SLCO4A1: variants seen among roughly 807,000 people sequenced by gnomAD.
SLCO4A1 encodes colon organic anion transporter.
Under a neutral mutation model 64.6 loss-of-function variants are expected in SLCO4A1, and 51 were observed. The ratio of observed to expected loss-of-function variants is 0.79; its 90% confidence interval spans 0.63 to 1.00. The LOEUF (loss-of-function observed/expected upper bound fraction) is 1.00, where lower values mean the gene tolerates loss of function less well. SLCO4A1 is among the 50% of genes least tolerant of loss of function. The pLI is 0.00. For missense variants in SLCO4A1, 919 were observed against 980.5 expected (o/e 0.94, Z 0.84); for synonymous variants, 471 against 444.9 (o/e 1.06, Z -0.74).
intron 1 of SLCO4A1, among the ~76,000 whole-genome samples, chr20:62,655,828 G>A (rs906935746): frequency 2.6e-5 from 4 of 152,180 alleles, no homozygotes; most frequent in Non-Finnish European, 5.9e-5. Flanking sequence ...CACGCCAAAG[G>A]GTGCAGAGAG....
intron 6 of SLCO4A1, chr20:62,665,324 A>T (rs927490955): frequency 1.2e-5 from 6 of 503,306 alleles, no homozygotes; most frequent in Non-Finnish European, 2.1e-5. Context: ...GGAAGGGTCC[A>T]CGGTGGGCTC....
At chr20:62,676,256 A>C (rs1029042074), downstream of SLCO4A1, among the ~76,000 whole-genome samples, 3 of 152,064 alleles carry the variant, frequency 2.0e-5, no homozygotes, top group Non-Finnish European at 4.4e-5. Context: ...CTCTGTAAAA[A>C]AAAAATACAA....
rs1299855612 is a variant in SLCO4A1, at chr20:62,657,164, A to G, written c.710A>G (p.His237Arg). ...QLVFMLGQFL[H>R]GVGATPLYTL... ...GTCTTCATGCTGGGCCAGTTCCTGCATGGCGTGGGTGCCACACCCCTCTAC... is the reference window on the plus strand; with the variant it reads ...GTCTTCATGCTGGGCCAGTTCCTGCGTGGCGTGGGTGCCACACCCCTCTAC... The change falls in exon 2 of 12, where the codon CAT becomes CGT. Residue 237 changes from histidine (H) to arginine (R), a missense_variant. His to Arg is a conservative substitution (Grantham distance 29). Transcript: ENST00000217159. The G allele has an allele frequency of 6.4e-7, 1 of 1,557,766 alleles. No homozygotes were observed. Among genetic ancestry groups the G allele is most frequent in the Non-Finnish European group, 8.7e-7 (1 of 1,151,768 alleles).
At chr20:62,672,936 G>T, downstream of SLCO4A1, among the ~76,000 whole-genome samples, 1 of 102,966 alleles carries the variant, frequency 9.7e-6, no homozygotes, top group East Asian at 2.9e-4. Flanking sequence ...ACTGAGGATG[G>T]ACGCCACCCT....
Position 62,656,588 on chromosome 20 carries a change from G to A in SLCO4A1, c.134G>A (p.Arg45His), listed in dbSNP as rs373936660. Residue 45 changes from arginine (R) to histidine (H), a missense_variant, in exon 2 of 12, where the codon CGC becomes CAC. Arg to His is a conservative substitution (Grantham distance 29). Transcript: ENST00000217159. ...ACACCCCTGAGCCCCGGCTCCCTCC[G>A]CTCCGCTGCCCATAGCCCCCTGGAC... ...PGTPLSPGSL[R>H]SAAHSPLDTS... The A allele has an allele frequency of 9.6e-5, 153 of 1,593,856 alleles. No individual in the cohort carries two copies. The highest frequency in any genetic ancestry group is 4.1e-4 in the Admixed American group (24 of 58,792).
Position 62,668,491 on chromosome 20 carries a change from C to A in SLCO4A1, c.1826C>A (p.Pro609His). The change falls in exon 10 of 12, where the codon CCT (proline) becomes CAT (histidine). Residue 609 changes from proline (P) to histidine (H), a missense_variant. Pro to His is a moderately conservative substitution (Grantham distance 77). Coordinates refer to ENST00000217159, the MANE Select transcript of SLCO4A1 (RefSeq NM_016354.4). ...TTCTATTGCAGATGTGTCCGTGACC[C>A]TCAGAGATCCTTTGCCCTGGGAATC... ...LTATLRCVRD[P>H]QRSFALGIQW... 1 of 1,613,950 alleles carries A rather than the reference C, an allele frequency of 6.2e-7. No individual in the cohort carries two copies. Among genetic ancestry groups the A allele is most frequent in the Non-Finnish European group, 8.5e-7 (1 of 1,179,982 alleles).
At chr20:62,654,478 G>A (rs1983270908) in intron 1 of SLCO4A1, among the ~76,000 whole-genome samples, 1 of 152,156 alleles carries the variant, frequency 6.6e-6, no homozygotes, top group Non-Finnish European at 1.5e-5. Context: ...ACCCAGCCCA[G>A]GTCCCCACGG....
At chr20:62,671,232 G>A (rs1423023634) in intron 11 of SLCO4A1, among the ~76,000 whole-genome samples, 1 of 152,224 alleles carries the variant, frequency 6.6e-6, no homozygotes, top group Non-Finnish European at 1.5e-5. Flanking sequence ...CGCAAGCGGG[G>A]TGGCCTGATG....
chr20:62,657,310 T>A, intron 2 of SLCO4A1, 60 bp downstream of exon 2: 2 of 1,418,262 alleles, frequency 1.4e-6, no homozygotes, highest in Non-Finnish European at 1.9e-6. Context: ...GTTGCAGGAG[T>A]GAGGGTAACT....
rs150375282 is a variant in SLCO4A1 at position 62,667,891 on chromosome 20, C to T, written c.1619C>T (p.Thr540Met). 2,087 of 1,613,948 alleles carry T rather than the reference C, an allele frequency of 1.3e-3. 2 individuals carry two copies. Among genetic ancestry groups the T allele is most frequent in the Non-Finnish European group, 1.3e-3 (1,559 of 1,180,034 alleles). Residue 540 changes from threonine (T) to methionine (M), a missense_variant, in exon 8 of 12, where the codon ACG becomes ATG. Coordinates refer to ENST00000217159, the MANE Select transcript of SLCO4A1 (RefSeq NM_016354.4). ...CHAGCPAATETNVDGQKVYRD... is the reference protein window; with the variant it reads ...CHAGCPAATEMNVDGQKVYRD... The stretch of plus-strand genomic sequence containing the variant: ...GCAGGGTGCCCTGCAGCCACGGAGA[C>T]GAATGTGGACGGCCAGAAGGTGAGT...
chr20:62,654,717 C>T (rs35989912), intron 1 of SLCO4A1, among the ~76,000 whole-genome samples: 27,079 of 152,072 alleles, frequency 0.18, 2,504 homozygotes, highest in Non-Finnish European at 0.21. Context: ...CCAGAAGCGC[C>T]GGGGTCCCTG....
At chr20:62,681,829 A>G (rs1347003956) in intron 2 of SLCO4A1, among the ~76,000 whole-genome samples, 2 of 152,204 alleles carry the variant, frequency 1.3e-5, no homozygotes, top group African/African-American at 2.4e-5. Flanking sequence ...TCACTGAAAA[A>G]AAAATCCGTT....
chr20:62,689,572 G>A (rs1031878656), downstream of SLCO4A1, among the ~76,000 whole-genome samples: 1 of 151,866 alleles, frequency 6.6e-6, no homozygotes, highest in African/African-American at 2.4e-5. Context: ...CCCCAGCAGG[G>A]CCCAGCGAGC....
chr20:62,678,975 T>C (rs1825107772), intron 2 of SLCO4A1, among the ~76,000 whole-genome samples: 1 of 152,120 alleles, frequency 6.6e-6, no homozygotes, highest in South Asian at 2.1e-4. Context: ...TGCCAGCACT[T>C]TGGGAGGCCG....
At chr20:62,675,877 C>T (rs1364013347), downstream of SLCO4A1, among the ~76,000 whole-genome samples, 1 of 152,152 alleles carries the variant, frequency 6.6e-6, no homozygotes, top group African/African-American at 2.4e-5. Context: ...GCCACAGGGC[C>T]CGGCTGCCTG....
Position 62,672,074 on chromosome 20 carries a change from G to A in SLCO4A1, c.*181G>A, listed in dbSNP as rs987568987. ...GAGCTGTACGGCCCTGCAGTGGGTG[G>A]GAGGAACTTGCATAAATATATATTT... On this transcript the variant is annotated 3_prime_UTR_variant, in exon 12 of 12. Coordinates refer to ENST00000217159, the MANE Select transcript of SLCO4A1 (RefSeq NM_016354.4). 23 of 1,477,286 alleles carry A rather than the reference G, an allele frequency of 1.6e-5. No homozygotes were observed. The Admixed American group carries it at 1.6e-4, about 11-fold the overall frequency. 91.5% of individuals were successfully genotyped at this position (1,477,286 alleles called of 1,614,324 possible).
intron 2 of SLCO4A1, among the ~76,000 whole-genome samples, chr20:62,681,308 CT>C (rs1987809864): frequency 6.6e-6 from 1 of 152,252 alleles, no homozygotes; most frequent in Non-Finnish European, 1.5e-5. Context: ...CAAAACTGTA[CT>C]TTGATATCAC....
Position 62,666,625 on chromosome 20 carries a change from G to A in SLCO4A1, c.1472+50G>A, listed in dbSNP as rs749881548. ...ACGCGTCGGGGCCCCAAGCACCCGC[G>A]GTCCCTGGGCATGGAGGAGGAGTGG... On this transcript the variant is annotated intron_variant, in intron 7 of 11. Coordinates refer to ENST00000217159, the MANE Select transcript of SLCO4A1 (RefSeq NM_016354.4). The A allele has an allele frequency of 6.6e-6, 10 of 1,506,658 alleles. No homozygotes were observed. In the South Asian group the frequency reaches 6.8e-5, roughly 10 times the overall value. The allele number at this position is 1,506,658 out of a possible 1,614,324, so 93.3% of individuals were successfully genotyped here. A position where few individuals can be genotyped will look rare whatever the true frequency, so the allele number is the denominator to read the frequency against.
chr20:62,670,479 G>T (rs761988061), intron 11 of SLCO4A1, among the ~76,000 whole-genome samples: 2 of 152,218 alleles, frequency 1.3e-5, no homozygotes, highest in Admixed American at 6.5e-5. Flanking sequence ...TCACGCCGCC[G>T]TTCAGCTCTG....
Sources: gnomAD v4.1 joint callset for allele counts (sites outside exome capture counted in the v4.1 genomes callset) on GRCh38, gnomAD v4.1.1 for gene constraint, MANE v1.5 for transcripts, NCBI Gene and HGNC (gene_info 2026-07-23, HGNC 2026-07-21) for gene names.